The following UBR4 variants were observed in gnomAD, a reference collection of about 807,000 sequenced individuals.
UBR4 encodes the protein ubiquitin protein ligase E3 component n-recognin 4.
UBR4 carries 124 observed loss-of-function variants against 575.6 expected under a neutral mutation model. That is an observed-to-expected ratio of 0.22 (90% CI 0.19 to 0.25). The LOEUF is 0.25. Among genes scored for constraint, UBR4 ranks in the 10% least tolerant of loss-of-function variants. The pLI, the probability that UBR4 is intolerant of heterozygous loss-of-function variation, is 1.00. For missense variants in UBR4, 4,818 were observed against 6,478.8 expected (o/e 0.74, Z 8.80); for synonymous variants, 2,455 against 2,473.7 (o/e 0.99, Z 0.22).
chr1:19,102,056 G>A (rs918707795), intron 87 of UBR4, among the ~76,000 whole-genome samples: 6 of 152,182 alleles, frequency 3.9e-5, no homozygotes, highest in Admixed American at 1.3e-4. Flanking sequence ...AAAAGATTAG[G>A]TAGACTGTCC....
At position 19,088,989 on chromosome 1, in the gene UBR4, A is replaced by G; in HGVS notation, c.14212-12T>C. On this transcript the variant is annotated splice_polypyrimidine_tract_variant and intron_variant, in intron 97 of 105. Transcript: ENST00000375254. This position sits in a 1 kb window ranked among gnomAD's most constrained non-coding sequence, Gnocchi z 4.0. ...GTTCCAATCAGAACCTGCCAGTAAG[A>G]GACCAGAGAGACACATGCCTCCAAT... The G allele has an allele frequency of 6.2e-7, 1 of 1,612,280 alleles. No individual in the cohort carries two copies. Among genetic ancestry groups the G allele is most frequent in the Non-Finnish European group, 8.5e-7 (1 of 1,178,512 alleles).
intron 17 of UBR4, among the ~76,000 whole-genome samples, 200 bp downstream of exon 17, chr1:19,183,611 A>G (rs1449842352): frequency 6.6e-6 from 1 of 152,098 alleles, no homozygotes; most frequent in Non-Finnish European, 1.5e-5. Flanking sequence ...AATCCCAGCT[A>G]CTCTGGAGGC....
intron 17 of UBR4, among the ~76,000 whole-genome samples, chr1:19,179,794 A>G (rs926605112): frequency 6.6e-6 from 1 of 152,192 alleles, no homozygotes; most frequent in Admixed American, 6.5e-5. Context: ...GCTGCAAATT[A>G]TCTTCTCAAA....
intron 100 of UBR4, 61 bp downstream of exon 100, chr1:19,086,618 C>T: frequency 6.3e-7 from 1 of 1,594,124 alleles, no homozygotes; most frequent in Non-Finnish European, 8.6e-7. Context: ...GGCAGTCCCA[C>T]CCGCTCCAGG....
Position 19,138,035 on chromosome 1 carries a change from T to C in UBR4, c.8878A>G (p.Thr2960Ala). Residue 2960 changes from threonine to alanine, a missense_variant, in exon 60 of 106, where the codon ACT (threonine) becomes GCT (alanine). Physicochemically the swap from Thr to Ala is moderately conservative, Grantham distance 58. Around this residue, in one of 29 missense-constraint regions of UBR4, gnomAD observed 87 missense variants for 82.8 expected, o/e 1.05. Transcript: ENST00000375254. ...DGSEGEGEGE[T>A]EGDVHTSNRL... ...TTGCTAGTGTGGACATCTCCTTCAGTTTCTCCTTCTCCTTCTCCCTCGGAG... is the reference window on the plus strand; with the variant it reads ...TTGCTAGTGTGGACATCTCCTTCAGCTTCTCCTTCTCCTTCTCCCTCGGAG... 1 of 1,573,686 alleles carries C rather than the reference T, an allele frequency of 6.4e-7. No homozygotes were observed. Among genetic ancestry groups the C allele is most frequent in the Non-Finnish European group, 8.7e-7 (1 of 1,154,606 alleles).
At chr1:19,074,982 G>A in intron 105 of UBR4, 86 bp from the exon 106 acceptor site, 3 of 1,428,282 alleles carry the variant, frequency 2.1e-6, no homozygotes, top group Non-Finnish European at 2.9e-6. Flanking sequence ...ATCTAGCAGA[G>A]AACACACTGC....
chr1:19,141,563 G>T (rs759889311), intron 56 of UBR4, 39 bp from the exon 57 acceptor site: 27 of 1,597,110 alleles, frequency 1.7e-5, no homozygotes, highest in Non-Finnish European at 2.3e-5. Flanking sequence ...CATGGTAAGT[G>T]GTAACTTTTG....
chr1:19,129,015 C>G lies in UBR4; in HGVS notation c.8966G>C (p.Arg2989Pro). Residue 2989 changes from arginine (R) to proline (P), a missense_variant, in exon 61 of 106, where the codon CGA becomes CCA. Coordinates refer to ENST00000375254, the MANE Select transcript of UBR4 (RefSeq NM_020765.3). ...ERLLQTLPQL[R>P]NVGGVRAIPY... ...GATGGCCCGGACACCGCCAACGTTT[C>G]GTAATTGAGGCAGGGTCTGCAGTAA... 2 of 1,614,022 alleles carry G rather than the reference C, an allele frequency of 1.2e-6. No homozygotes were observed. The highest frequency in any genetic ancestry group is 1.7e-6 in the Non-Finnish European group (2 of 1,180,004).
chr1:19,117,939 C>A lies in UBR4; in HGVS notation c.10542-29G>T, dbSNP rs751837367. ...AGGAAGAAACCAGTCTTAGCATGAA[C>A]ACATTTTCATCTTAGGAAGCACTGA... On this transcript the variant is annotated intron_variant, in intron 71 of 105. Coordinates refer to ENST00000375254, the MANE Select transcript of UBR4 (RefSeq NM_020765.3). This position sits in a 1 kb window ranked among gnomAD's most constrained non-coding sequence, Gnocchi z 4.0. The A allele has an allele frequency of 1.5e-5, 24 of 1,599,562 alleles. No homozygotes were observed. Among genetic ancestry groups the A allele is most frequent in the Non-Finnish European group, 1.9e-5 (22 of 1,167,022 alleles).
At chr1:19,109,141 G>C (rs866447326) in intron 81 of UBR4, among the ~76,000 whole-genome samples, 12 of 152,188 alleles carry the variant, frequency 7.9e-5, no homozygotes, top group African/African-American at 2.9e-4. Flanking sequence ...CCTGCCATGA[G>C]GACTCTGTTG....
chr1:19,141,587 TA>T, intron 56 of UBR4, 59 bp downstream of exon 56: 1 of 1,603,480 alleles, frequency 6.2e-7, no homozygotes, highest in Non-Finnish European at 8.5e-7. Flanking sequence ...GTCCACTGAA[TA>T]AGAGCTAGAG....
At position 19,152,321 on chromosome 1, in the gene UBR4, T is replaced by G; in HGVS notation, c.6988A>C (p.Asn2330His). 6.2e-7 allele frequency: 1 copy of G among 1,613,984 alleles called. No homozygotes were observed. The highest frequency in any genetic ancestry group is 8.5e-7 in the Non-Finnish European group (1 of 1,179,838). The change falls in exon 47 of 106, where the codon AAC becomes CAC. Residue 2330 changes from asparagine (N) to histidine (H), a missense_variant. Coordinates refer to ENST00000375254, the MANE Select transcript of UBR4 (RefSeq NM_020765.3). The surrounding 1 kb of genome is among the most constrained non-coding windows in gnomAD (Gnocchi z 4.4). ...CCCAGTGCCATTCTTACCTTGGTGT[T>G]GGCCACATACATGCCAGTGGAATTC... The part of the protein sequence containing the change: ...RLNSTGMYVA[N>H]TKPGGFTIEI...
rs997984014 is a variant in UBR4, at chr1:19,202,643, AT to A, written c.177-829del. ...AAGCGAGATCACAAAAGAGTCGGTG[AT>A]TTTTTTTTTTAACCACATCCCTTAT... On this transcript the variant is annotated intron_variant, in intron 1 of 105. Transcript: ENST00000375254. Among the ~76,000 whole-genome samples the A allele has an allele frequency of 3.1e-3, 466 of 148,844 alleles. 3 individuals are homozygous for A. Among genetic ancestry groups the A allele is most frequent in the Non-Finnish European group, 5.4e-3 (364 of 66,816 alleles).
In UBR4 at chr1:19,100,577, G is replaced by A. The variant is rs750765566; in HGVS notation, c.13024-4C>T. ...ACTCAGTGACTTCATTCTCCTCCTG[G>A]AGGACAGACAGAAGGGTGCATCAGA... On this transcript the variant is annotated splice_region_variant and splice_polypyrimidine_tract_variant and intron_variant, in intron 88 of 105. Transcript: ENST00000375254. The surrounding 1 kb of genome is among the most constrained non-coding windows in gnomAD (Gnocchi z 4.2). 30 of 1,613,702 alleles carry A rather than the reference G, an allele frequency of 1.9e-5. No individual in the cohort carries two copies. The highest frequency in any genetic ancestry group is 2.5e-5 in the Non-Finnish European group (29 of 1,179,904).
At chr1:19,198,207 G>A (rs2092570703) in intron 5 of UBR4, among the ~76,000 whole-genome samples, 158 bp from the exon 6 acceptor site, 1 of 152,142 alleles carries the variant, frequency 6.6e-6, no homozygotes, top group South Asian at 2.1e-4. Flanking sequence ...ACATTTTCAG[G>A]AGGAGGGAAA....
chr1:19,094,556 C>G (rs1348846654), intron 94 of UBR4, among the ~76,000 whole-genome samples: 2 of 152,208 alleles, frequency 1.3e-5, no homozygotes. Context: ...CTATGTACCA[C>G]AGCTGAGGAA....
intron 83 of UBR4, 119 bp from the exon 84 acceptor site, chr1:19,105,961 A>G (rs535476839): frequency 8.0e-6 from 5 of 628,596 alleles, no homozygotes; most frequent in African/African-American, 7.5e-5. Context: ...CCTCTCTAGG[A>G]AAATGTTAAG....
intron 60 of UBR4, among the ~76,000 whole-genome samples, chr1:19,131,759 G>C (rs2082486138): frequency 6.6e-6 from 1 of 152,220 alleles, no homozygotes; most frequent in South Asian, 2.1e-4. Flanking sequence ...TGTAATCCTA[G>C]CTATTTGGGA....
intron 17 of UBR4, among the ~76,000 whole-genome samples, chr1:19,179,541 G>A (rs191429161): frequency 6.6e-6 from 1 of 152,338 alleles, no homozygotes; most frequent in Non-Finnish European, 1.5e-5. Context: ...AACATGAGAA[G>A]TTGTTGCCTT....
Sources: gnomAD v4.1 joint callset for allele counts (sites outside exome capture counted in the v4.1 genomes callset) on GRCh38, gnomAD v4.1.1 for gene constraint, gnomAD v4.1.1 regional missense constraint, Gnocchi (gnomAD v3.1) non-coding constraint, MANE v1.5 for transcripts, NCBI Gene and HGNC (gene_info 2026-07-23, HGNC 2026-07-21) for gene names.